The following ZNRF3 variants were observed in gnomAD, a reference collection of about 807,000 sequenced individuals.
ZNRF3 encodes the protein zinc and ring finger 3.
In ZNRF3, 23 loss-of-function variants were observed where a neutral mutation model predicts 72.5. The observed-to-expected ratio is 0.32, with a 90% confidence interval of 0.23 to 0.45. The LOEUF (loss-of-function observed/expected upper bound fraction) is 0.45, where lower values mean the gene tolerates loss of function less well. Ranked by LOEUF, ZNRF3 falls within the 20% of genes least tolerant of loss-of-function variation. ZNRF3 has a pLI of 1.00. For synonymous variants in ZNRF3, 610 were observed against 545.3 expected, an observed-to-expected ratio of 1.12 and a Z score of -1.65; for missense variants, 1,169 against 1,272.1, an observed-to-expected ratio of 0.92 and a Z score of 1.23.
chr22:28,901,635 CTTTTTTTTTTTTT>C (rs132532), intron 1 of ZNRF3, among the ~76,000 whole-genome samples: 1 of 74,816 alleles, frequency 1.3e-5, no homozygotes, highest in Middle Eastern at 5.7e-3. Flanking sequence ...ATGGATGGAC[CTTTTTTTTTTTTT>C]TTTTTTTTGA....
At chr22:28,957,963 G>T (rs1236567150) in intron 1 of ZNRF3, among the ~76,000 whole-genome samples, 1 of 151,782 alleles carries the variant, frequency 6.6e-6, no homozygotes, top group Admixed American at 6.6e-5. Flanking sequence ...CGAGGCGGGC[G>T]GATCACAAGG....
chr22:29,030,659 G>A lies in ZNRF3; in HGVS notation c.427-11836G>A, dbSNP rs577957881. Among the ~76,000 whole-genome samples, 2 of 151,560 alleles carry A rather than the reference G, an allele frequency of 1.3e-5. No individual in the cohort carries two copies. Among genetic ancestry groups the A allele is most frequent in the South Asian group, 4.2e-4 (2 of 4,798 alleles). On this transcript the variant is annotated intron_variant, in intron 2 of 8. Transcript: ENST00000544604. This position sits in a 1 kb window ranked among gnomAD's most constrained non-coding sequence, Gnocchi z 4.2. ...AGGGCACTTTCCCGGGTCGGAGAAG[G>A]CCGGATGGCAGCCCGCCCCGAAAGT...
chr22:28,907,071 C>A (rs556047597), intron 1 of ZNRF3, among the ~76,000 whole-genome samples: 1 of 151,856 alleles, frequency 6.6e-6, no homozygotes, highest in South Asian at 2.1e-4. Flanking sequence ...CAACCTCCGC[C>A]TCCCGGGTTC....
chr22:28,924,682 A>T (rs1601564003), intron 1 of ZNRF3, among the ~76,000 whole-genome samples: 2 of 152,278 alleles, frequency 1.3e-5, no homozygotes, highest in South Asian at 4.1e-4. Flanking sequence ...GACTACAGTG[A>T]ACTATGATTG....
intron 1 of ZNRF3, among the ~76,000 whole-genome samples, chr22:28,912,118 C>G (rs139016817): frequency 6.6e-6 from 1 of 152,154 alleles, no homozygotes; most frequent in Non-Finnish European, 1.5e-5. Context: ...AACTCCCTCC[C>G]GAGAAACAGG....
At chr22:28,911,957 G>T (rs938916399) in intron 1 of ZNRF3, among the ~76,000 whole-genome samples, 17 of 152,188 alleles carry the variant, frequency 1.1e-4, no homozygotes, top group Non-Finnish European at 2.2e-4. Context: ...TCTAAATCCA[G>T]CCAGTGAGCC....
chr22:28,955,910 C>A (rs1235308727), intron 1 of ZNRF3, among the ~76,000 whole-genome samples: 2 of 152,080 alleles, frequency 1.3e-5, no homozygotes, highest in Non-Finnish European at 2.9e-5. Flanking sequence ...CAGAGTGAGA[C>A]CTTGTCTCAA....
At chr22:28,918,600 G>A (rs2034453170) in intron 1 of ZNRF3, among the ~76,000 whole-genome samples, 1 of 151,582 alleles carries the variant, frequency 6.6e-6, no homozygotes, top group South Asian at 2.1e-4. Context: ...CTCAAAAGGA[G>A]TATTTCTTTT....
At chr22:28,940,777 C>T (rs923889835) in intron 1 of ZNRF3, among the ~76,000 whole-genome samples, 3 of 152,036 alleles carry the variant, frequency 2.0e-5, no homozygotes, top group African/African-American at 2.4e-5. Context: ...GTAAAAGAGA[C>T]GAACCAGTAG....
At position 29,053,895 on chromosome 22, in the gene ZNRF3, C is replaced by T. The variant is rs1186597646; in HGVS notation, c.*273C>T. The T allele has an allele frequency of 1.3e-5, 4 of 298,256 alleles. No individual in the cohort carries two copies. Among genetic ancestry groups the T allele is most frequent in the Admixed American group, 9.7e-5 (2 of 20,538 alleles). The allele number at this position is 298,256 out of a possible 1,614,324, so 18.5% of individuals were successfully genotyped here. A position where few individuals can be genotyped will look rare whatever the true frequency, so the allele number is the denominator to read the frequency against. On this transcript the variant is annotated 3_prime_UTR_variant, in exon 9 of 9. Transcript: ENST00000544604. Reference sequence around the variant, plus strand: ...TGTAAAGTGTGTGTGCTTGGGGTTCCGAGGTGTGGGATTGAGTTCTCTGCT... The same window carrying T: ...TGTAAAGTGTGTGTGCTTGGGGTTCTGAGGTGTGGGATTGAGTTCTCTGCT...
intron 2 of ZNRF3, among the ~76,000 whole-genome samples, chr22:29,024,604 A>G (rs2036594290): frequency 2.0e-5 from 3 of 152,078 alleles, no homozygotes; most frequent in Admixed American, 2.0e-4. Flanking sequence ...TCCCTAGTAT[A>G]ACTACTAGAA....
intron 1 of ZNRF3, among the ~76,000 whole-genome samples, chr22:28,943,539 G>A (rs574397593): frequency 1.3e-5 from 2 of 152,244 alleles, no homozygotes; most frequent in South Asian, 2.1e-4. Flanking sequence ...GTGTGGCGGG[G>A]ATATTAGTGC....
intron 1 of ZNRF3, among the ~76,000 whole-genome samples, chr22:28,889,595 G>A (rs1184057818): frequency 6.6e-6 from 1 of 152,156 alleles, no homozygotes; most frequent in Non-Finnish European, 1.5e-5. Flanking sequence ...ACACATGCAT[G>A]GATAAATGAT....
Position 28,883,575 on chromosome 22 carries a change from A to G in ZNRF3, c.-192A>G. On this transcript the variant is annotated 5_prime_UTR_variant, in exon 1 of 9. It adds an upstream start codon to the 5' untranslated region. Transcript: ENST00000544604. The surrounding 1 kb of genome is among the most constrained non-coding windows in gnomAD (Gnocchi z 5.5). The stretch of plus-strand genomic sequence containing the variant: ...GTCACGACGCTGCCGGGGCGGGGAT[A>G]ACCCCTCACGTGGAGCAGATGAAAG... 1 of 434,234 alleles carries G rather than the reference A, an allele frequency of 2.3e-6. No homozygotes were observed. The highest frequency in any genetic ancestry group is 9.6e-5 in the South Asian group (1 of 10,460). 26.9% of individuals were successfully genotyped at this position (434,234 alleles called of 1,614,324 possible).
chr22:28,965,094 G>A (rs1446150460), intron 1 of ZNRF3, among the ~76,000 whole-genome samples: 1 of 152,138 alleles, frequency 6.6e-6, no homozygotes, highest in Non-Finnish European at 1.5e-5. Context: ...AGGACCGAGG[G>A]CAACCAGCAA....
rs913039619 is a variant in ZNRF3, at chr22:29,030,380, G to C, written c.427-12115G>C. ...ACCTTTAATTAGGAGAAATTAAGTG[G>C]GGCTGCTACATATTTTGAGAATAAG... On this transcript the variant is annotated intron_variant, in intron 2 of 8. Transcript: ENST00000544604. This position sits in a 1 kb window ranked among gnomAD's most constrained non-coding sequence, Gnocchi z 4.2. 1.3e-5 allele frequency among the ~76,000 whole-genome samples: 2 copies of C among 152,150 alleles called. No individual in the cohort carries two copies. The highest frequency in any genetic ancestry group is 2.9e-5 in the Non-Finnish European group (2 of 68,022).
intron 2 of ZNRF3, chr22:29,025,139 AC>A (rs1376780909): frequency 6.6e-6 from 1 of 151,724 alleles, no homozygotes; most frequent in East Asian, 1.9e-4. Flanking sequence ...CCACCACCAC[AC>A]CTGGCTAATT....
chr22:29,022,590 T>C (rs2036560110), intron 2 of ZNRF3, among the ~76,000 whole-genome samples: 1 of 152,118 alleles, frequency 6.6e-6, no homozygotes. Flanking sequence ...AAGTTTCAGA[T>C]GGGGGAAAAA....
At chr22:28,999,177 A>T (rs1308880134) in intron 2 of ZNRF3, among the ~76,000 whole-genome samples, 1 of 151,136 alleles carries the variant, frequency 6.6e-6, no homozygotes, top group East Asian at 1.9e-4. Context: ...AAAAAAAAAA[A>T]AAAAAAATTA....
Sources: allele counts gnomAD v4.1 joint callset (sites outside exome capture counted in the v4.1 genomes callset), GRCh38; gene constraint gnomAD v4.1.1; non-coding constraint Gnocchi (gnomAD v3.1); transcripts MANE v1.5; gene names NCBI Gene and HGNC (gene_info 2026-07-23, HGNC 2026-07-21).